The following TNRC6B variants were observed in gnomAD, a reference collection of about 807,000 sequenced individuals.
TNRC6B encodes the protein trinucleotide repeat containing adaptor 6B, also known as trinucleotide repeat-containing gene 6B protein.
In TNRC6B, 52 loss-of-function variants were observed where a neutral mutation model predicts 203.6. The ratio of observed to expected loss-of-function variants is 0.26; its 90% CI spans 0.20 to 0.32. The LOEUF (loss-of-function observed/expected upper bound fraction) is 0.32, where lower values mean the gene tolerates loss of function less well. Ranked by LOEUF, TNRC6B falls within the 10% of genes least tolerant of loss-of-function variation. TNRC6B has a pLI of 1.00. For synonymous variants in TNRC6B, 838 were observed against 845.7 expected (o/e 0.99, Z 0.16); for missense variants, 1,923 against 2,286.2 (o/e 0.84, Z 3.24).
intron 6 of TNRC6B, among the ~76,000 whole-genome samples, 185 bp downstream of exon 6, chr22:40,270,465 G>A (rs371863858): frequency 1.4e-4 from 22 of 151,930 alleles, no homozygotes; most frequent in East Asian, 3.9e-4. Flanking sequence ...GATTACAGGC[G>A]CCCGCCACCA....
Position 40,126,124 on chromosome 22 carries a change from G to C in TNRC6B, c.45+262G>C, listed in dbSNP as rs534687110. Among the ~76,000 whole-genome samples, 3 of 152,024 alleles carry C rather than the reference G, an allele frequency of 2.0e-5. No homozygotes were observed. The South Asian group carries it at 6.2e-4, about 31-fold the overall frequency. ...TACTATGTCTTTTAAAGTTTGTTAC[G>C]AAAGTTACTATAGGCTTATAAAAAA... is the stretch of plus-strand genomic sequence containing the variant. On this transcript the variant is annotated intron_variant, in intron 3 of 23. Coordinates refer to the TNRC6B transcript ENST00000301923.
chr22:40,127,885 T>G (rs1354594816), intron 3 of TNRC6B, among the ~76,000 whole-genome samples: 1 of 152,064 alleles, frequency 6.6e-6, no homozygotes, highest in Non-Finnish European at 1.5e-5. Flanking sequence ...AAAAGGAAGA[T>G]TGGATTTCTG....
intron 5 of TNRC6B, among the ~76,000 whole-genome samples, chr22:40,267,942 G>A (rs1012039716): frequency 1.9e-4 from 29 of 152,190 alleles, no homozygotes; most frequent in African/African-American, 6.0e-4. Context: ...TATTTGAATA[G>A]GAAACATCAT....
At chr22:40,123,002 CT>C (rs2068458844) in intron 2 of TNRC6B, among the ~76,000 whole-genome samples, 1 of 152,144 alleles carries the variant, frequency 6.6e-6, no homozygotes. Context: ...GCCCCTTCCG[CT>C]TCAGGTCTAG....
chr22:40,114,221 T>C (rs1181344477), intron 1 of TNRC6B, among the ~76,000 whole-genome samples: 1 of 152,228 alleles, frequency 6.6e-6, no homozygotes, highest in Non-Finnish European at 1.5e-5. Flanking sequence ...GTTTGTTGAA[T>C]ATGTATTTCT....
At chr22:40,208,133 CAAAAA>C (rs1399436419) in intron 1 of TNRC6B, among the ~76,000 whole-genome samples, 3 of 108,970 alleles carry the variant, frequency 2.8e-5, no homozygotes, top group Non-Finnish European at 6.4e-5. Context: ...AAAAAAAAAA[CAAAAA>C]AACAAGAAAA....
intron 1 of TNRC6B, among the ~76,000 whole-genome samples, chr22:40,189,791 G>A (rs2069249236): frequency 6.6e-6 from 1 of 152,046 alleles, no homozygotes; most frequent in Non-Finnish European, 1.5e-5. Flanking sequence ...CCCAGACTTC[G>A]GTTTCAGGGA....
intron 1 of TNRC6B, among the ~76,000 whole-genome samples, chr22:40,112,271 C>T (rs1000608157): frequency 6.6e-6 from 1 of 152,128 alleles, no homozygotes; most frequent in Non-Finnish European, 1.5e-5. Flanking sequence ...TGGGCCCTTC[C>T]AGGGGGGTGG....
chr22:40,056,727 G>A (rs953575410), intron 1 of TNRC6B, among the ~76,000 whole-genome samples: 5 of 150,002 alleles, frequency 3.3e-5, no homozygotes, highest in East Asian at 1.9e-4. Context: ...GAGCCCAGGA[G>A]TTGGAGGCTG....
intron 1 of TNRC6B, among the ~76,000 whole-genome samples, chr22:40,245,600 A>G (rs1468403145): frequency 6.6e-6 from 1 of 152,226 alleles, no homozygotes; most frequent in African/African-American, 2.4e-5. Flanking sequence ...ATAAATACAT[A>G]TGTACCATAA....
chr22:40,282,158 G>A (rs2070727630), intron 11 of TNRC6B, among the ~76,000 whole-genome samples: 1 of 152,190 alleles, frequency 6.6e-6, no homozygotes, highest in Admixed American at 6.5e-5. Context: ...GTAATTATTA[G>A]TTGCATCCAC....
At chr22:40,227,151 G>C (rs1446862065) in intron 1 of TNRC6B, among the ~76,000 whole-genome samples, 2 of 149,018 alleles carry the variant, frequency 1.3e-5, no homozygotes, top group Non-Finnish European at 3.0e-5. Context: ...TTGCCATGTT[G>C]GCCAGGCTGG....
chr22:40,245,145 C>T (rs2146469694), intron 1 of TNRC6B, among the ~76,000 whole-genome samples: 1 of 152,154 alleles, frequency 6.6e-6, no homozygotes, highest in East Asian at 1.9e-4. Flanking sequence ...GGCTGGAGTG[C>T]AGTGGCACTA....
intron 1 of TNRC6B, among the ~76,000 whole-genome samples, chr22:40,108,279 T>G (rs2068303933): frequency 6.6e-6 from 1 of 152,166 alleles, no homozygotes; most frequent in South Asian, 2.1e-4. Context: ...GGCACTGCTG[T>G]CAGCACCACC....
In TNRC6B at chr22:40,098,312, G is replaced by C. The variant is rs2068201578; in HGVS notation, c.-120-18743G>C. On this transcript the variant is annotated intron_variant, in intron 1 of 23. Coordinates refer to the TNRC6B transcript ENST00000301923. ...GAGGCAGGAATATTGCTTGAACCTG[G>C]AAGCGGAGGTTGCAGTGAGCCAAAA... 2.0e-5 allele frequency among the ~76,000 whole-genome samples: 3 copies of C among 148,218 alleles called. No individual in the cohort carries two copies. The Admixed American group carries it at 2.1e-4, about 10-fold the overall frequency.
intron 1 of TNRC6B, among the ~76,000 whole-genome samples, chr22:40,205,460 A>C (rs765580476): frequency 5.3e-5 from 8 of 152,196 alleles, no homozygotes; most frequent in Non-Finnish European, 7.3e-5. Context: ...ATTACTGAAA[A>C]TCACTAGAAT....
intron 3 of TNRC6B, among the ~76,000 whole-genome samples, chr22:40,131,055 C>T (rs1424727502): frequency 6.6e-6 from 1 of 151,552 alleles, no homozygotes; most frequent in Admixed American, 6.6e-5. Context: ...AGGCGCCTGC[C>T]GCCACGCCCG....
Position 40,331,420 on chromosome 22 carries a change from C to G in TNRC6B, c.*8179C>G, listed in dbSNP as rs1044649046. The stretch of plus-strand genomic sequence containing the variant: ...CACCTCTTCTCCCCACTCCTATCTT[C>G]TAAAGAAATATCAAGCAAATGCTAA... On this transcript the variant is annotated 3_prime_UTR_variant, in exon 23 of 23. Transcript: ENST00000454349. 3.1e-6 allele frequency: 1 copy of G among 321,306 alleles called. No homozygotes were observed. The highest frequency in any genetic ancestry group is 2.1e-5 in the African/African-American group (1 of 47,240). 19.9% of individuals were successfully genotyped at this position (321,306 alleles called of 1,614,324 possible). A position where few individuals can be genotyped will look rare whatever the true frequency, so the allele number is the denominator to read the frequency against.
At chr22:40,322,545 A>G (rs1412385012) in intron 22 of TNRC6B, among the ~76,000 whole-genome samples, 2 of 152,216 alleles carry the variant, frequency 1.3e-5, no homozygotes, top group Non-Finnish European at 2.9e-5. Flanking sequence ...TCTAGAATAT[A>G]TAAATTCCAT....
Sources: gnomAD v4.1 joint callset for allele counts (sites outside exome capture counted in the v4.1 genomes callset) on GRCh38, gnomAD v4.1.1 for gene constraint, MANE v1.5 for transcripts, NCBI Gene and HGNC (gene_info 2026-07-23, HGNC 2026-07-21) for gene names.